TMEM132C: variants seen among roughly 807,000 people sequenced by gnomAD.
The protein encoded by TMEM132C is transmembrane protein 132C.
In TMEM132C, 29 loss-of-function variants were observed where a neutral mutation model predicts 61.4. The observed-to-expected ratio is 0.47, with a 90% CI of 0.35 to 0.64. The LOEUF (loss-of-function observed/expected upper bound fraction) is 0.64, where lower values mean the gene tolerates loss of function less well. TMEM132C is among the 30% of genes least tolerant of loss of function. The pLI, the probability that TMEM132C is intolerant of heterozygous loss-of-function variation, is 0.00. For synonymous variants in TMEM132C, 656 were observed against 633.1 expected (o/e 1.04, Z -0.54); for missense variants, 1,408 against 1,476.9 (o/e 0.95, Z 0.76).
chr12:128,331,313 G>A (rs1215808636), intron 1 of TMEM132C, among the ~76,000 whole-genome samples: 1 of 152,190 alleles, frequency 6.6e-6, no homozygotes, highest in Non-Finnish European at 1.5e-5. Context: ...TTGTTTTAAT[G>A]TACAACTTTA....
chr12:128,643,626 A>G (rs1802400566), intron 4 of TMEM132C, among the ~76,000 whole-genome samples: 1 of 152,218 alleles, frequency 6.6e-6, no homozygotes, highest in Middle Eastern at 3.2e-3. Context: ...ATCCATTTTT[A>G]CAGGGAAATT....
At chr12:128,299,073 G>C (rs1018476139) in intron 1 of TMEM132C, among the ~76,000 whole-genome samples, 4 of 152,146 alleles carry the variant, frequency 2.6e-5, no homozygotes, top group Admixed American at 2.6e-4. Flanking sequence ...CTTACGGTAG[G>C]ATTAGTATGA....
chr12:128,653,555 C>A (rs563218646), intron 4 of TMEM132C, among the ~76,000 whole-genome samples: 72 of 152,282 alleles, frequency 4.7e-4, no homozygotes, highest in Non-Finnish European at 7.1e-4. Flanking sequence ...TCGGCCTGGG[C>A]TCCATCCCTG....
chr12:128,441,853 T>A (rs1343695988), intron 2 of TMEM132C, among the ~76,000 whole-genome samples: 3 of 152,036 alleles, frequency 2.0e-5, no homozygotes, highest in Non-Finnish European at 2.9e-5. Flanking sequence ...AAAATAAAAA[T>A]TAGCCAGGTG....
intron 4 of TMEM132C, among the ~76,000 whole-genome samples, chr12:128,624,929 G>C (rs1252795507): frequency 1.3e-5 from 2 of 152,142 alleles, no homozygotes; most frequent in Non-Finnish European, 2.9e-5. Context: ...CCACCTGCCA[G>C]CTCACTCTCT....
At chr12:128,391,758 G>GA (rs1874770387) in intron 1 of TMEM132C, among the ~76,000 whole-genome samples, 2 of 152,154 alleles carry the variant, frequency 1.3e-5, no homozygotes, top group African/African-American at 2.4e-5. Context: ...GGCAGAAACA[G>GA]GATTCACAAA....
chr12:128,348,010 A>C (rs1737105847), intron 1 of TMEM132C, among the ~76,000 whole-genome samples: 1 of 152,236 alleles, frequency 6.6e-6, no homozygotes, highest in Admixed American at 6.5e-5. Context: ...GGATTGCATG[A>C]ATATGTAATC....
chr12:128,575,025 G>A (rs985313780), intron 3 of TMEM132C, among the ~76,000 whole-genome samples: 4 of 152,266 alleles, frequency 2.6e-5, no homozygotes, highest in Non-Finnish European at 4.4e-5. Context: ...TGTGCCTCCC[G>A]CTATATGCAC....
intron 6 of TMEM132C, among the ~76,000 whole-genome samples, chr12:128,694,688 A>G (rs1954745063): frequency 6.6e-6 from 1 of 152,136 alleles, no homozygotes; most frequent in African/African-American, 2.4e-5. Flanking sequence ...CCTTTCTCAT[A>G]AGAGAGAGCA....
At chr12:128,694,371 T>G (rs1954741512) in intron 6 of TMEM132C, among the ~76,000 whole-genome samples, 1 of 152,220 alleles carries the variant, frequency 6.6e-6, no homozygotes, top group Non-Finnish European at 1.5e-5. Flanking sequence ...GTCAGTCCTT[T>G]CCTGTGCTTT....
At chr12:128,367,976 C>T (rs927468203) in intron 1 of TMEM132C, among the ~76,000 whole-genome samples, 2 of 152,144 alleles carry the variant, frequency 1.3e-5, no homozygotes, top group Admixed American at 6.5e-5. Flanking sequence ...TGCTGTCAGC[C>T]GGACTTTGGA....
chr12:128,614,757 C>A (rs1249038505), intron 3 of TMEM132C, among the ~76,000 whole-genome samples: 2 of 152,176 alleles, frequency 1.3e-5, no homozygotes, highest in African/African-American at 4.8e-5. Context: ...AGCTAAGTAG[C>A]CCCTCTGAGC....
intron 4 of TMEM132C, among the ~76,000 whole-genome samples, chr12:128,665,415 A>G (rs1272158930): frequency 4.0e-5 from 6 of 150,244 alleles, no homozygotes; most frequent in Non-Finnish European, 8.9e-5. Context: ...ATACACAAAT[A>G]CAGGCACACA....
chr12:128,458,556 C>T (rs911608948), intron 2 of TMEM132C, among the ~76,000 whole-genome samples: 1 of 152,046 alleles, frequency 6.6e-6, no homozygotes, highest in African/African-American at 2.4e-5. Flanking sequence ...CCGGTGACTA[C>T]CACCAGGCAC....
At chr12:128,410,448 G>A (rs1868496534) in intron 1 of TMEM132C, among the ~76,000 whole-genome samples, 2 of 152,078 alleles carry the variant, frequency 1.3e-5, no homozygotes. Context: ...CTGTCTCCAG[G>A]CTAGAGTGCA....
At chr12:128,411,356 A>G (rs890729414) in intron 1 of TMEM132C, among the ~76,000 whole-genome samples, 3 of 152,224 alleles carry the variant, frequency 2.0e-5, no homozygotes, top group African/African-American at 7.2e-5. Context: ...AATGTTGTCA[A>G]TGATCAGTTT....
At chr12:128,379,831 C>A (rs1198944826) in intron 1 of TMEM132C, among the ~76,000 whole-genome samples, 1 of 152,206 alleles carries the variant, frequency 6.6e-6, no homozygotes, top group East Asian at 1.9e-4. Context: ...GCATTCAACC[C>A]ACTTTAAACC....
intron 2 of TMEM132C, among the ~76,000 whole-genome samples, chr12:128,517,510 T>C (rs558038402): frequency 6.6e-6 from 1 of 152,262 alleles, no homozygotes; most frequent in Admixed American, 6.5e-5. Context: ...TTTAACACTT[T>C]GAAATGCATC....
intron 1 of TMEM132C, among the ~76,000 whole-genome samples, chr12:128,336,199 C>T (rs747120512): frequency 7.1e-6 from 1 of 140,630 alleles, no homozygotes; most frequent in African/African-American, 3.3e-5. Context: ...AAATAGAATT[C>T]TTCTTGAGTT....
Sources: allele counts gnomAD v4.1 joint callset (sites outside exome capture counted in the v4.1 genomes callset), GRCh38; gene constraint gnomAD v4.1.1; transcripts MANE v1.5; gene names NCBI Gene and HGNC (gene_info 2026-07-23, HGNC 2026-07-21).